WWOX: variants seen among roughly 807,000 people sequenced by gnomAD.
WWOX encodes WW domain containing oxidoreductase.
WWOX carries 69 observed loss-of-function variants against 46.2 expected under a neutral mutation model. The ratio of observed to expected loss-of-function variants is 1.49; its 90% confidence interval spans 1.23 to 1.82. WWOX has a LOEUF of 1.82. Ranked by LOEUF, WWOX falls within the 40% of genes most tolerant of loss-of-function variation. WWOX has a pLI of 0.00. For synonymous variants in WWOX, 359 were observed against 202.6 expected (o/e 1.77, Z -6.56); for missense variants, 919 against 542.6 (o/e 1.69, Z -6.89).
At chr16:78,632,611 T>C (rs1456518838) in intron 8 of WWOX, among the ~76,000 whole-genome samples, 1 of 132,910 alleles carries the variant, frequency 7.5e-6, no homozygotes, top group Non-Finnish European at 1.5e-5. Context: ...CAGGCTGGAG[T>C]GCAATGGTGC....
intron 8 of WWOX, among the ~76,000 whole-genome samples, chr16:78,482,325 G>C (rs1014120768): frequency 6.6e-6 from 1 of 151,988 alleles, no homozygotes; most frequent in Non-Finnish European, 1.5e-5. Flanking sequence ...AACCTCTGTC[G>C]ATTCTCCTTC....
At chr16:79,167,221 C>A (rs2050612314) in intron 8 of WWOX, among the ~76,000 whole-genome samples, 1 of 152,184 alleles carries the variant, frequency 6.6e-6, no homozygotes, top group Admixed American at 6.5e-5. Flanking sequence ...GGATAACAGG[C>A]ATGAACCACC....
intron 8 of WWOX, among the ~76,000 whole-genome samples, chr16:78,686,790 A>G (rs750399166): frequency 1.3e-5 from 2 of 152,202 alleles, no homozygotes; most frequent in Non-Finnish European, 2.9e-5. Context: ...ACAGAGACAG[A>G]GTTGACTTGC....
At chr16:78,475,674 C>T (rs1017913287) in intron 8 of WWOX, among the ~76,000 whole-genome samples, 8 of 151,908 alleles carry the variant, frequency 5.3e-5, no homozygotes, top group African/African-American at 1.7e-4. Context: ...CGGCTCACTG[C>T]AACCTACACC....
At chr16:78,793,277 T>G (rs1026864926) in intron 8 of WWOX, among the ~76,000 whole-genome samples, 2 of 152,096 alleles carry the variant, frequency 1.3e-5, no homozygotes, top group Non-Finnish European at 2.9e-5. Context: ...CACTGGCTGG[T>G]CTGGAACTCC....
chr16:78,626,912 T>C (rs1469147713), intron 8 of WWOX, among the ~76,000 whole-genome samples: 5 of 152,228 alleles, frequency 3.3e-5, no homozygotes, highest in Admixed American at 3.3e-4. Context: ...TGGAACAATT[T>C]GGTCTTCAAA....
intron 8 of WWOX, among the ~76,000 whole-genome samples, chr16:78,607,474 G>T (rs935144044): frequency 6.6e-6 from 1 of 152,044 alleles, no homozygotes; most frequent in Non-Finnish European, 1.5e-5. Context: ...TTCAAAAATT[G>T]TTATAAAGAT....
At chr16:78,373,656 C>G (rs1053568601) in intron 5 of WWOX, among the ~76,000 whole-genome samples, 1 of 151,054 alleles carries the variant, frequency 6.6e-6, no homozygotes, top group African/African-American at 2.4e-5. Flanking sequence ...TAATTCTAGT[C>G]TTGGTTTCTG....
chr16:78,144,485 A>ACC (rs2034122175), intron 4 of WWOX, among the ~76,000 whole-genome samples: 1 of 26,830 alleles, frequency 3.7e-5, no homozygotes, highest in African/African-American at 1.8e-4. Flanking sequence ...ATATATATAT[A>ACC]TACACACACA....
chr16:78,363,061 C>T (rs967725319), intron 5 of WWOX, among the ~76,000 whole-genome samples: 1 of 152,034 alleles, frequency 6.6e-6, no homozygotes, highest in Non-Finnish European at 1.5e-5. Context: ...TACCCACACC[C>T]GTATTCCACC....
At chr16:78,500,565 G>C (rs1052880362) in intron 8 of WWOX, among the ~76,000 whole-genome samples, 17 of 152,064 alleles carry the variant, frequency 1.1e-4, no homozygotes, top group African/African-American at 3.9e-4. Context: ...GGAACACCTG[G>C]CTGAGGCTCC....
intron 4 of WWOX, among the ~76,000 whole-genome samples, chr16:78,135,136 G>T (rs76633141): frequency 6.6e-6 from 1 of 152,206 alleles, no homozygotes; most frequent in African/African-American, 2.4e-5. Context: ...AGAGGATGCA[G>T]ATTCCACCCT....
intron 7 of WWOX, among the ~76,000 whole-genome samples, chr16:78,426,058 A>C (rs138892945): frequency 2.1e-4 from 32 of 152,330 alleles, no homozygotes; most frequent in Non-Finnish European, 3.5e-4. Flanking sequence ...CACACTGCAG[A>C]TAGATTTACT....
intron 8 of WWOX, among the ~76,000 whole-genome samples, chr16:78,578,643 G>A (rs1004512124): frequency 2.0e-5 from 3 of 151,998 alleles, no homozygotes; most frequent in African/African-American, 7.3e-5. Context: ...AATTTAAAAA[G>A]ACAGATACAT....
Position 78,900,425 on chromosome 16 carries a change from C to A in WWOX, c.1057-311183C>A, listed in dbSNP as rs188384759. Reference sequence around the variant, plus strand: ...CCCAAATAATTTGTTTTTTATTTTTCCTTAAAAATGAGACTTTCTGTTAGG... The same window carrying A: ...CCCAAATAATTTGTTTTTTATTTTTACTTAAAAATGAGACTTTCTGTTAGG... On this transcript the variant is annotated intron_variant, in intron 8 of 8. Coordinates refer to ENST00000566780, the MANE Select transcript of WWOX (RefSeq NM_016373.4). 2.0e-5 allele frequency among the ~76,000 whole-genome samples: 3 copies of A among 152,136 alleles called. No individual in the cohort carries two copies. In the East Asian group the frequency reaches 5.8e-4, roughly 29 times the overall value.
intron 8 of WWOX, among the ~76,000 whole-genome samples, chr16:79,104,151 A>G (rs2049261407): frequency 6.6e-6 from 1 of 152,034 alleles, no homozygotes; most frequent in South Asian, 2.1e-4. Context: ...AAAGATTCAC[A>G]ACCCCACAAA....
At chr16:78,736,772 A>C (rs6564584) in intron 8 of WWOX, among the ~76,000 whole-genome samples, 1 of 151,734 alleles carries the variant, frequency 6.6e-6, no homozygotes, top group Admixed American at 6.6e-5. Flanking sequence ...ACTAATTACT[A>C]AATTTTTAAA....
chr16:78,767,357 A>G (rs1438817344), intron 8 of WWOX, among the ~76,000 whole-genome samples: 1 of 150,372 alleles, frequency 6.7e-6, no homozygotes, highest in African/African-American at 2.5e-5. Context: ...CTGATCTTGA[A>G]CTCCTGTGCT....
intron 6 of WWOX, among the ~76,000 whole-genome samples, chr16:78,391,781 G>C (rs181176938): frequency 3.9e-4 from 59 of 152,214 alleles, no homozygotes; most frequent in African/African-American, 1.3e-3. Flanking sequence ...TCTGGGGTGG[G>C]CAGAGGTTGC....
Sources: gnomAD v4.1 joint callset for allele counts (sites outside exome capture counted in the v4.1 genomes callset) on GRCh38, gnomAD v4.1.1 for gene constraint, MANE v1.5 for transcripts, NCBI Gene and HGNC (gene_info 2026-07-23, HGNC 2026-07-21) for gene names.